The following UBE2N variants were observed in gnomAD, a reference collection of about 807,000 sequenced individuals.
The protein encoded by UBE2N is ubiquitin-conjugating enzyme E2 N.
For missense variants in UBE2N, 60 were observed against 192.1 expected, an observed-to-expected ratio of 0.31 and a Z score of 4.07; for synonymous variants, 70 against 69.2, an observed-to-expected ratio of 1.01 and a Z score of -0.06.
chr12:93,423,066 C>T (rs1878467751), intron 1 of UBE2N, among the ~76,000 whole-genome samples: 1 of 152,240 alleles, frequency 6.6e-6, no homozygotes, highest in African/African-American at 2.4e-5. Context: ...GAGAGAACTG[C>T]AGTAGTTACC....
chr12:93,418,364 A>AAAAAC (rs138198665), intron 1 of UBE2N, among the ~76,000 whole-genome samples: 20,361 of 151,820 alleles, frequency 0.13, 1,771 homozygotes, highest in Non-Finnish European at 0.19. Context: ...CTTGTCTCTT[A>AAAAAC]AAAACAAAAC....
intron 1 of UBE2N, among the ~76,000 whole-genome samples, chr12:93,419,517 C>T (rs1325451688): frequency 6.6e-6 from 1 of 152,150 alleles, no homozygotes; most frequent in Non-Finnish European, 1.5e-5. Context: ...TTTCAAAACA[C>T]ATTAAATGAA....
At chr12:93,435,493 G>A (rs765671337) in intron 1 of UBE2N, among the ~76,000 whole-genome samples, 14 of 151,826 alleles carry the variant, frequency 9.2e-5, no homozygotes, top group Non-Finnish European at 1.9e-4. Flanking sequence ...AAAAAAAAAT[G>A]TTCAAGGCAG....
chr12:93,415,601 T>TAAGATA (rs1378247863), intron 1 of UBE2N, among the ~76,000 whole-genome samples: 1 of 152,170 alleles, frequency 6.6e-6, no homozygotes, highest in African/African-American at 2.4e-5. Context: ...GGAAAAAAGT[T>TAAGATA]AAGATATTAG....
At chr12:93,410,936 C>A in intron 2 of UBE2N, 62 bp from the exon 3 acceptor site, 1 of 1,614,002 alleles carries the variant, frequency 6.2e-7, no homozygotes, top group Non-Finnish European at 8.5e-7. Flanking sequence ...AACTGCTTCA[C>A]TTCCCTCCCA....
chr12:93,417,765 C>T (rs1878265914), intron 1 of UBE2N, among the ~76,000 whole-genome samples: 1 of 152,054 alleles, frequency 6.6e-6, no homozygotes. Flanking sequence ...TCCAACCTGT[C>T]ACTACATCTT....
intron 1 of UBE2N, among the ~76,000 whole-genome samples, chr12:93,423,287 T>C (rs1269740913): frequency 6.6e-6 from 1 of 152,212 alleles, no homozygotes; most frequent in Non-Finnish European, 1.5e-5. Context: ...CTGCTTAAAC[T>C]AGCCAAAGCT....
chr12:93,421,330 T>C (rs949964510), intron 1 of UBE2N, among the ~76,000 whole-genome samples: 3 of 151,980 alleles, frequency 2.0e-5, no homozygotes, highest in African/African-American at 7.3e-5. Context: ...GCCTCCAGAG[T>C]AGCTGGGACT....
rs772844122 is a variant in UBE2N at position 93,411,302 on chromosome 12, A to G, written c.31-3T>C. On this transcript the variant is annotated splice_region_variant and splice_polypyrimidine_tract_variant and intron_variant, in intron 1 of 3. Transcript: ENST00000318066. Reference sequence around the variant, plus strand: ...TCTGCCAGCAAACGCTGGGTTTCCTATGACAGAAAAACAAACACATTTGTG... The same window carrying G: ...TCTGCCAGCAAACGCTGGGTTTCCTGTGACAGAAAAACAAACACATTTGTG... 2 of 1,585,538 alleles carry G rather than the reference A, an allele frequency of 1.3e-6. No homozygotes were observed. The highest frequency in any genetic ancestry group is 1.7e-6 in the Non-Finnish European group (2 of 1,167,954).
rs181383374 is a variant in UBE2N at position 93,419,290 on chromosome 12, T to G, written c.31-7991A>C. The stretch of plus-strand genomic sequence containing the variant: ...CTGTAATCCCAGCTACTCGGGAGGC[T>G]GAGGCAGGAGAATCACTTGAACCTG... On this transcript the variant is annotated intron_variant, in intron 1 of 3. Coordinates refer to ENST00000318066, the MANE Select transcript of UBE2N (RefSeq NM_003348.4). 6.6e-3 allele frequency among the ~76,000 whole-genome samples: 999 copies of G among 151,980 alleles called. 6 individuals are homozygous for G. The highest frequency in any genetic ancestry group is 0.011 in the Non-Finnish European group (750 of 67,992).
At chr12:93,431,555 A>G (rs1878774112) in intron 1 of UBE2N, among the ~76,000 whole-genome samples, 1 of 152,202 alleles carries the variant, frequency 6.6e-6, no homozygotes, top group Non-Finnish European at 1.5e-5. Context: ...TGCACGTAAC[A>G]TGCTTAGAAC....
chr12:93,422,259 A>G (rs1381379886), intron 1 of UBE2N, among the ~76,000 whole-genome samples: 2 of 152,118 alleles, frequency 1.3e-5, no homozygotes, highest in Non-Finnish European at 2.9e-5. Flanking sequence ...TCCATTTTCT[A>G]TGGTTCCTGA....
At chr12:93,434,490 A>G (rs1057024435) in intron 1 of UBE2N, among the ~76,000 whole-genome samples, 5 of 152,256 alleles carry the variant, frequency 3.3e-5, no homozygotes, top group Non-Finnish European at 1.5e-5. Flanking sequence ...CTTGACACAG[A>G]GGAGCTTAAA....
chr12:93,439,915 T>C (rs1879051112), intron 1 of UBE2N, among the ~76,000 whole-genome samples: 1 of 152,164 alleles, frequency 6.6e-6, no homozygotes. Context: ...AACAGCAAAA[T>C]GTAAATGCCC....
chr12:93,410,472 G>A (rs1219710295), intron 3 of UBE2N: 1 of 565,820 alleles, frequency 1.8e-6, no homozygotes, highest in African/African-American at 1.9e-5. Flanking sequence ...CATATAACTA[G>A]ATAAATGGTA....
In UBE2N at chr12:93,409,396, C is replaced by T. The variant is rs1456330320; in HGVS notation, c.*643G>A. 6.0e-6 allele frequency: 1 copy of T among 166,622 alleles called. No homozygotes were observed. The highest frequency in any genetic ancestry group is 2.4e-5 in the African/African-American group (1 of 41,448). The allele number at this position is 166,622 out of a possible 1,614,324, so 10.3% of individuals were successfully genotyped here. A position where few individuals can be genotyped will look rare whatever the true frequency, so the allele number is the denominator to read the frequency against. On this transcript the variant is annotated 3_prime_UTR_variant, in exon 4 of 4. Coordinates refer to ENST00000318066, the MANE Select transcript of UBE2N (RefSeq NM_003348.4). ...ATATTTTACTAAAACATAAGATTTA[C>T]AGAAGTTTCCAGACAAGCCATACAA...
chr12:93,412,604 G>A (rs1267631269), intron 1 of UBE2N, among the ~76,000 whole-genome samples: 1 of 152,186 alleles, frequency 6.6e-6, no homozygotes, highest in Non-Finnish European at 1.5e-5. Context: ...AGGAGACAGG[G>A]TCATTTATAA....
At chr12:93,410,554 A>G (rs1421518791) in intron 3 of UBE2N, 180 bp downstream of exon 3, 3 of 842,876 alleles carry the variant, frequency 3.6e-6, no homozygotes, top group African/African-American at 3.4e-5. Context: ...GGTTGTCTTT[A>G]TATTTGGGGG....
At chr12:93,434,517 ACTG>A (rs1204346757) in intron 1 of UBE2N, among the ~76,000 whole-genome samples, 2 of 152,234 alleles carry the variant, frequency 1.3e-5, no homozygotes, top group African/African-American at 4.8e-5. Flanking sequence ...TACTGAACTG[ACTG>A]CTATTTTTAA....
Sources: gnomAD v4.1 joint callset for allele counts (sites outside exome capture counted in the v4.1 genomes callset) on GRCh38, gnomAD v4.1.1 for gene constraint, MANE v1.5 for transcripts, NCBI Gene and HGNC (gene_info 2026-07-23, HGNC 2026-07-21) for gene names.